Variants in SGCD observed in about 807,000 individuals in gnomAD.
SGCD encodes the protein delta-sarcoglycan.
In SGCD, 18 loss-of-function variants were observed where a neutral mutation model predicts 36.6. The ratio of observed to expected loss-of-function variants is 0.49; its 90% CI spans 0.34 to 0.73. SGCD has a LOEUF of 0.73. Ranked by LOEUF, SGCD falls within the 30% of genes least tolerant of loss-of-function variation. The pLI is 0.01. For missense variants in SGCD, 387 were observed against 346.7 expected (o/e 1.12, Z -0.92); for synonymous variants, 133 against 130.6 (o/e 1.02, Z -0.12).
chr5:155,861,977 G>A, the SGCD span, among the ~76,000 whole-genome samples: 9 of 152,152 alleles, frequency 5.9e-5, no homozygotes, highest in African/African-American at 2.2e-4. Flanking sequence ...CCTCTCTTAG[G>A]AGAAGGAGAT....
chr5:156,391,224 C>T (rs1449169205), intron 3 of SGCD, among the ~76,000 whole-genome samples: 7 of 152,210 alleles, frequency 4.6e-5, no homozygotes, highest in South Asian at 2.1e-4. Context: ...AGTACAGTAA[C>T]GTGCTATACA....
chr5:156,278,844 A>G (rs1336338241), intron 3 of SGCD, among the ~76,000 whole-genome samples: 1 of 152,134 alleles, frequency 6.6e-6, no homozygotes, highest in Non-Finnish European at 1.5e-5. Flanking sequence ...ATTTGGAAAA[A>G]TGGCTTGCCA....
intron 1 of SGCD, among the ~76,000 whole-genome samples, chr5:156,005,428 T>TTTGTTGTTGTTGTTG (rs5872447): frequency 2.0e-5 from 3 of 150,506 alleles, no homozygotes; most frequent in African/African-American, 4.9e-5. Flanking sequence ...GTCTTCAGTT[T>TTTGTTGTTGTTGTTG]TTGTTGTTGT....
chr5:156,117,787 A>G (rs1761940689), intron 1 of SGCD: 1 of 152,144 alleles, frequency 6.6e-6, no homozygotes, highest in Admixed American at 6.6e-5. Context: ...TTATCTTTGC[A>G]TTCTATGATA....
intron 7 of SGCD, among the ~76,000 whole-genome samples, chr5:156,679,267 A>C (rs1561853456): frequency 6.6e-6 from 1 of 152,198 alleles, no homozygotes; most frequent in Non-Finnish European, 1.5e-5. Context: ...ATTCAGTTTA[A>C]GACCAAGCAC....
chr5:155,867,217 C>T (rs1433974584), upstream of SGCD, among the ~76,000 whole-genome samples: 1 of 151,898 alleles, frequency 6.6e-6, no homozygotes, highest in East Asian at 1.9e-4. Flanking sequence ...AGAACAGGGC[C>T]CGAGAAAATC....
At chr5:156,479,166 C>T (rs1480659451) in intron 3 of SGCD, among the ~76,000 whole-genome samples, 2 of 152,056 alleles carry the variant, frequency 1.3e-5, no homozygotes, top group African/African-American at 4.8e-5. Flanking sequence ...GATCTCGGCT[C>T]ACTGCAACCT....
intron 3 of SGCD, among the ~76,000 whole-genome samples, chr5:156,410,906 C>A (rs563175147): frequency 6.6e-6 from 1 of 152,198 alleles, no homozygotes; most frequent in African/African-American, 2.4e-5. Context: ...GATCAACTCT[C>A]ACTTCATGAA....
intron 1 of SGCD, among the ~76,000 whole-genome samples, chr5:156,111,100 T>A (rs1339003138): frequency 6.6e-6 from 1 of 152,094 alleles, no homozygotes; most frequent in Non-Finnish European, 1.5e-5. Flanking sequence ...TCCTTATGAA[T>A]GAGAAAAAAG....
At chr5:156,530,766 A>C (rs983891454) in intron 4 of SGCD, among the ~76,000 whole-genome samples, 1 of 151,942 alleles carries the variant, frequency 6.6e-6, no homozygotes, top group African/African-American at 2.4e-5. Context: ...TTTCTAGTAG[A>C]GATGGGTTTC....
intron 1 of SGCD, among the ~76,000 whole-genome samples, chr5:155,916,828 C>A (rs1238162135): frequency 6.6e-6 from 1 of 152,180 alleles, no homozygotes; most frequent in Non-Finnish European, 1.5e-5. Flanking sequence ...CTGTGCTTCT[C>A]ACAAATGTCT....
chr5:155,810,861 A>G, the SGCD span, among the ~76,000 whole-genome samples: 1 of 98,716 alleles, frequency 1.0e-5, no homozygotes, highest in Non-Finnish European at 1.8e-5. Context: ...TCTGTCGCCC[A>G]GGCTGGAGTG....
In SGCD at chr5:156,765,497, T is replaced by A. The variant is rs1292095346; in HGVS notation, c.*6107T>A. 2 of 152,178 alleles carry A rather than the reference T, an allele frequency of 1.3e-5. No homozygotes were observed. Among genetic ancestry groups the A allele is most frequent in the Non-Finnish European group, 2.9e-5 (2 of 68,030 alleles). 9.4% of individuals were successfully genotyped at this position (152,178 alleles called of 1,614,324 possible). A position where few individuals can be genotyped will look rare whatever the true frequency, so the allele number is the denominator to read the frequency against. On this transcript the variant is annotated 3_prime_UTR_variant, in exon 9 of 9. Transcript: ENST00000337851. ...AAATCTTGCAAAACGTAAGAGATTT[T>A]CCTGGATCTGAAGCTACCCGAAGAC...
rs531412264 is a variant in SGCD, at chr5:156,709,993, C to T, written c.576-47588C>T. On this transcript the variant is annotated intron_variant, in intron 7 of 8. Coordinates refer to ENST00000337851, the MANE Select transcript of SGCD (RefSeq NM_000337.6). ...GAAAAGCACCGAGAAAGAGACCAGG[C>T]TTAGAAAGTCTTGAAGCCCTTGTTT... Among the ~76,000 whole-genome samples the T allele has an allele frequency of 2.0e-5, 3 of 152,100 alleles. No individual in the cohort carries two copies. The South Asian group carries it at 6.3e-4, about 32-fold the overall frequency.
chr5:156,548,154 G>A (rs1442165238), intron 4 of SGCD, among the ~76,000 whole-genome samples: 2 of 152,160 alleles, frequency 1.3e-5, no homozygotes, highest in African/African-American at 4.8e-5. Context: ...AAACCACCAG[G>A]AATCCTCTTT....
At chr5:156,316,315 T>A (rs1300178571) in intron 3 of SGCD, among the ~76,000 whole-genome samples, 1 of 151,928 alleles carries the variant, frequency 6.6e-6, no homozygotes, top group Non-Finnish European at 1.5e-5. Flanking sequence ...GAAGAAGACA[T>A]AATTAAATAG....
chr5:156,515,370 G>T (rs1021689573), intron 4 of SGCD, among the ~76,000 whole-genome samples: 1 of 152,218 alleles, frequency 6.6e-6, no homozygotes, highest in Non-Finnish European at 1.5e-5. Context: ...GGTCAAGATG[G>T]TTGATTAGAA....
At chr5:156,069,384 C>G (rs917606703) in intron 1 of SGCD, among the ~76,000 whole-genome samples, 9 of 152,048 alleles carry the variant, frequency 5.9e-5, no homozygotes, top group Non-Finnish European at 8.8e-5. Flanking sequence ...ATAGGGAATC[C>G]TTTCCCCATT....
upstream of SGCD, among the ~76,000 whole-genome samples, chr5:155,869,480 C>T (rs932952120): frequency 6.6e-6 from 1 of 152,022 alleles, no homozygotes; most frequent in Admixed American, 6.5e-5. Flanking sequence ...GAGTTAGGAA[C>T]ATTGTTATTA....
Sources: allele counts gnomAD v4.1 joint callset (sites outside exome capture counted in the v4.1 genomes callset), GRCh38; gene constraint gnomAD v4.1.1; transcripts MANE v1.5; gene names NCBI Gene and HGNC (gene_info 2026-07-23, HGNC 2026-07-21).